The following DPP10 variants were observed in gnomAD, a reference collection of about 807,000 sequenced individuals.
DPP10 encodes dipeptidyl peptidase like 10.
In DPP10, 33 loss-of-function variants were observed where a neutral mutation model predicts 120.9. That is an observed-to-expected ratio of 0.27 (90% CI 0.21 to 0.37). The LOEUF (loss-of-function observed/expected upper bound fraction) is 0.37, where lower values mean the gene tolerates loss of function less well. Ranked by LOEUF, DPP10 falls within the 10% of genes least tolerant of loss-of-function variation. The pLI is 1.00. For synonymous variants in DPP10, 337 were observed against 326.1 expected (o/e 1.03, Z -0.36); for missense variants, 816 against 942.8 (o/e 0.87, Z 1.76).
At chr2:115,286,280 A>G (rs182038714) in intron 1 of DPP10, among the ~76,000 whole-genome samples, 1 of 151,354 alleles carries the variant, frequency 6.6e-6, no homozygotes, top group Non-Finnish European at 1.5e-5. Flanking sequence ...TCAAGATAAG[A>G]AAAACTGGAT....
rs111669652 is a variant in DPP10, at chr2:114,794,528, C to T, written c.60+351690C>T. Among the ~76,000 whole-genome samples, 922 of 152,238 alleles carry T rather than the reference C, an allele frequency of 6.1e-3. 15 individuals carry two copies. The highest frequency in any genetic ancestry group is 0.021 in the African/African-American group (881 of 41,550). On this transcript the variant is annotated intron_variant, in intron 1 of 25. Coordinates refer to ENST00000410059, the MANE Select transcript of DPP10 (RefSeq NM_020868.6). Reference sequence around the variant, plus strand: ...AGTGGCAGAGACATTTTGGGGGTGACGTTCTGGCAAGGGAATTCAGACTTT... The same window carrying T: ...AGTGGCAGAGACATTTTGGGGGTGATGTTCTGGCAAGGGAATTCAGACTTT...
At chr2:114,874,691 C>T (rs560894643) in intron 1 of DPP10, among the ~76,000 whole-genome samples, 1 of 152,130 alleles carries the variant, frequency 6.6e-6, no homozygotes. Flanking sequence ...AAACCATCTC[C>T]CCAACCCCTG....
At chr2:115,817,888 T>A (rs550578482) in intron 21 of DPP10, among the ~76,000 whole-genome samples, 37 of 151,664 alleles carry the variant, frequency 2.4e-4, no homozygotes, top group South Asian at 4.2e-4. Context: ...GTGGTTGAGT[T>A]CATGAAAAAA....
intron 1 of DPP10, among the ~76,000 whole-genome samples, chr2:115,251,429 C>T (rs1053843263): frequency 6.6e-6 from 1 of 152,124 alleles, no homozygotes; most frequent in African/African-American, 2.4e-5. Context: ...TAAATTCAGT[C>T]ATGGAGGAAG....
At chr2:115,729,645 CTG>C (rs2092850390) in intron 8 of DPP10, among the ~76,000 whole-genome samples, 2 of 152,104 alleles carry the variant, frequency 1.3e-5, no homozygotes, top group Non-Finnish European at 2.9e-5. Flanking sequence ...TGGCATGCAC[CTG>C]TGTTCCCAGC....
intron 5 of DPP10, among the ~76,000 whole-genome samples, chr2:115,590,090 G>A (rs2082538643): frequency 1.3e-5 from 2 of 149,794 alleles, no homozygotes; most frequent in South Asian, 4.2e-4. Context: ...TGCAGTCTGA[G>A]ATTAAAGTGA....
intron 1 of DPP10, among the ~76,000 whole-genome samples, chr2:114,771,327 C>A (rs1403372661): frequency 2.0e-5 from 3 of 152,194 alleles, no homozygotes; most frequent in Admixed American, 6.5e-5. Flanking sequence ...CAGGAGACAG[C>A]AGTCACACCT....
chr2:115,050,546 A>G (rs13018484), intron 1 of DPP10, among the ~76,000 whole-genome samples: 38,412 of 151,824 alleles, frequency 0.25, 5,517 homozygotes, highest in East Asian at 0.32. Flanking sequence ...GAAGTGAATA[A>G]AAGTTGGGGC....
intron 1 of DPP10, among the ~76,000 whole-genome samples, chr2:115,107,692 C>T (rs1288279952): frequency 6.6e-6 from 1 of 151,832 alleles, no homozygotes; most frequent in Non-Finnish European, 1.5e-5. Context: ...GCAAAATGTA[C>T]TTTAAAATGC....
chr2:115,214,539 A>G (rs2056702789), intron 1 of DPP10, among the ~76,000 whole-genome samples: 3 of 152,220 alleles, frequency 2.0e-5, no homozygotes, highest in Admixed American at 1.3e-4. Flanking sequence ...GGGAGCAGGT[A>G]GGGAAATATT....
At chr2:114,857,617 G>A (rs1198533711) in intron 1 of DPP10, among the ~76,000 whole-genome samples, 1 of 152,180 alleles carries the variant, frequency 6.6e-6, no homozygotes, top group Non-Finnish European at 1.5e-5. Context: ...TTTTTTGGGA[G>A]AGGATTTTGG....
intron 1 of DPP10, among the ~76,000 whole-genome samples, chr2:115,107,422 CTTTTTTTTTT>C (rs59046305): frequency 1.3e-4 from 8 of 59,868 alleles, no homozygotes; most frequent in African/African-American, 3.3e-4. Context: ...TTGGTTATAG[CTTTTTTTTTT>C]TTTTTTTTTT....
chr2:114,524,196 T>C lies in DPP10; in HGVS notation c.60+81358T>C, dbSNP rs139983998. Among the ~76,000 whole-genome samples, 89 of 152,348 alleles carry C rather than the reference T, an allele frequency of 5.8e-4. 1 individual carries two copies. The highest frequency in any genetic ancestry group is 2.1e-3 in the African/African-American group (88 of 41,588). Reference sequence around the variant, plus strand: ...GAAATACAGGTGAAGATGACATTTGTGCTTTAGCAATAACTCTTAAAGAAA... The same window carrying C: ...GAAATACAGGTGAAGATGACATTTGCGCTTTAGCAATAACTCTTAAAGAAA... On this transcript the variant is annotated intron_variant, in intron 1 of 25. Transcript: ENST00000410059.
chr2:114,628,944 T>C (rs1298449192), intron 1 of DPP10, among the ~76,000 whole-genome samples: 1 of 152,118 alleles, frequency 6.6e-6, no homozygotes, highest in Non-Finnish European at 1.5e-5. Context: ...TCTCACTTTT[T>C]CCCTAAGATT....
intron 1 of DPP10, among the ~76,000 whole-genome samples, chr2:114,797,017 G>A (rs1185056154): frequency 1.3e-5 from 2 of 152,124 alleles, no homozygotes; most frequent in African/African-American, 4.8e-5. Flanking sequence ...CAACAGTCTA[G>A]ATACATAAGA....
At chr2:114,924,799 AAAAAAC>A (rs748939561) in intron 1 of DPP10, among the ~76,000 whole-genome samples, 17 of 152,194 alleles carry the variant, frequency 1.1e-4, no homozygotes, top group Non-Finnish European at 1.5e-4. Context: ...ACAAAAAAAC[AAAAAAC>A]AAAAACAAAA....
intron 1 of DPP10, among the ~76,000 whole-genome samples, chr2:114,509,541 A>C (rs1189912529): frequency 2.0e-5 from 3 of 152,222 alleles, no homozygotes; most frequent in African/African-American, 7.2e-5. Flanking sequence ...TGATGGAAAT[A>C]GCAGTCCCAT....
chr2:115,149,018 A>T (rs1165039614), intron 1 of DPP10, among the ~76,000 whole-genome samples: 2 of 152,166 alleles, frequency 1.3e-5, no homozygotes, highest in Non-Finnish European at 2.9e-5. Context: ...CCTTTCCCTT[A>T]AAATTAATCT....
chr2:115,299,208 G>A (rs947278478), intron 1 of DPP10, among the ~76,000 whole-genome samples: 20 of 151,898 alleles, frequency 1.3e-4, no homozygotes, highest in Non-Finnish European at 2.9e-5. Flanking sequence ...AACATATAAG[G>A]TTGATAGAAA....
Sources: gnomAD v4.1 joint callset for allele counts (sites outside exome capture counted in the v4.1 genomes callset) on GRCh38, gnomAD v4.1.1 for gene constraint, MANE v1.5 for transcripts, NCBI Gene and HGNC (gene_info 2026-07-23, HGNC 2026-07-21) for gene names.